PLCE1: variants seen among roughly 807,000 people sequenced by gnomAD.
PLCE1 encodes the protein 1-phosphatidylinositol 4,5-bisphosphate phosphodiesterase epsilon-1.
A neutral mutation model predicts 242.8 loss-of-function variants in PLCE1; 119 were observed. That is an observed-to-expected ratio of 0.49 (90% CI 0.42 to 0.57). The LOEUF is 0.57. Ranked by LOEUF, PLCE1 falls within the 20% of genes least tolerant of loss-of-function variation. PLCE1 has a pLI of 0.00. For missense variants in PLCE1, 2,441 were observed against 2,788.8 expected (o/e 0.88, Z 2.81); for synonymous variants, 945 against 1,017.4 (o/e 0.93, Z 1.35).
intron 2 of PLCE1, among the ~76,000 whole-genome samples, chr10:94,052,209 C>T (rs375204398): frequency 2.6e-5 from 4 of 152,194 alleles, no homozygotes; most frequent in African/African-American, 4.8e-5. Flanking sequence ...AAGTTCAATT[C>T]AGTTGCATTT....
intron 2 of PLCE1, among the ~76,000 whole-genome samples, chr10:94,122,620 G>A (rs573247850): frequency 6.6e-5 from 10 of 152,266 alleles, no homozygotes; most frequent in South Asian, 2.1e-4. Flanking sequence ...GCCTTGAGGC[G>A]TATAGAGATG....
At chr10:94,167,659 T>A (rs1357470734) in intron 3 of PLCE1, among the ~76,000 whole-genome samples, 1 of 135,274 alleles carries the variant, frequency 7.4e-6, no homozygotes, top group African/African-American at 2.8e-5. Context: ...CCTAATGCTA[T>A]CCCTCCCCCC....
chr10:94,198,015 A>G (rs2048877466), intron 4 of PLCE1, among the ~76,000 whole-genome samples: 2 of 150,242 alleles, frequency 1.3e-5, no homozygotes, highest in African/African-American at 4.9e-5. Flanking sequence ...AAAAAATTTA[A>G]GAACATGAAA....
chr10:94,185,599 CT>C (rs2048452180), intron 4 of PLCE1, among the ~76,000 whole-genome samples: 1 of 152,218 alleles, frequency 6.6e-6, no homozygotes, highest in Non-Finnish European at 1.5e-5. Context: ...CTTCATATTT[CT>C]CATCTATGAA....
intron 2 of PLCE1, among the ~76,000 whole-genome samples, chr10:94,090,748 T>A (rs772719883): frequency 1.3e-5 from 2 of 152,370 alleles, no homozygotes; most frequent in South Asian, 2.1e-4. Context: ...TTTCAGCCTA[T>A]GTCGTCCTGT....
chr10:94,035,654 G>A (rs1303731228), intron 2 of PLCE1, among the ~76,000 whole-genome samples: 1 of 152,152 alleles, frequency 6.6e-6, no homozygotes, highest in Non-Finnish European at 1.5e-5. Flanking sequence ...TTTCTTAAGG[G>A]AGATTTCTAA....
intron 4 of PLCE1, among the ~76,000 whole-genome samples, chr10:94,187,972 G>T (rs1001624604): frequency 6.6e-6 from 1 of 151,786 alleles, no homozygotes; most frequent in Non-Finnish European, 1.5e-5. Context: ...CACTGCCCTG[G>T]TCCCTAGGTA....
chr10:94,263,374 T>G (rs1286846525), intron 14 of PLCE1, among the ~76,000 whole-genome samples: 1 of 151,156 alleles, frequency 6.6e-6, no homozygotes, highest in African/African-American at 2.4e-5. Context: ...ATTAGCCAGG[T>G]GTGGTGGTGC....
intron 20 of PLCE1, chr10:94,283,530 C>T (rs2052326154): frequency 2.7e-6 from 1 of 365,364 alleles, no homozygotes; most frequent in African/African-American, 2.1e-5. Context: ...GTCTATATGC[C>T]AGATTATTTT....
chr10:93,996,981 A>C (rs989065176), intron 1 of PLCE1, among the ~76,000 whole-genome samples: 1 of 152,202 alleles, frequency 6.6e-6, no homozygotes, highest in African/African-American at 2.4e-5. Flanking sequence ...TTCCAAATGA[A>C]ATTTAGTCAT....
At chr10:94,167,063 G>A (rs1353055252) in intron 3 of PLCE1, among the ~76,000 whole-genome samples, 1 of 152,212 alleles carries the variant, frequency 6.6e-6, no homozygotes, top group Non-Finnish European at 1.5e-5. Flanking sequence ...GCCAAGGCAG[G>A]TGGATCACCT....
intron 29 of PLCE1, among the ~76,000 whole-genome samples, chr10:94,320,978 A>G (rs1333563700): frequency 6.6e-6 from 1 of 152,194 alleles, no homozygotes; most frequent in Non-Finnish European, 1.5e-5. Context: ...TTTCTTATTG[A>G]TACGCTTCTG....
At chr10:94,192,751 TCTAAA>T (rs1240099218) in intron 4 of PLCE1, among the ~76,000 whole-genome samples, 1 of 152,202 alleles carries the variant, frequency 6.6e-6, no homozygotes, top group Non-Finnish European at 1.5e-5. Flanking sequence ...TTGAGAAGTC[TCTAAA>T]CTACTTTTCA....
chr10:94,240,749 T>C (rs1157530137), intron 7 of PLCE1, among the ~76,000 whole-genome samples: 1 of 152,202 alleles, frequency 6.6e-6, no homozygotes, highest in East Asian at 1.9e-4. Context: ...GTCTACGGTT[T>C]CTAACTGAAT....
intron 1 of PLCE1, among the ~76,000 whole-genome samples, chr10:94,002,966 T>A (rs927922088): frequency 3.3e-5 from 5 of 152,200 alleles, no homozygotes. Context: ...AGATGACCAC[T>A]CGAGGAATAC....
rs1001969686 is a variant in PLCE1 at position 94,090,076 on chromosome 10, T to C, written c.1207-42098T>C. Among the ~76,000 whole-genome samples the C allele has an allele frequency of 7.9e-5, 12 of 152,242 alleles. No homozygotes were observed. In the South Asian group the frequency reaches 1.2e-3, roughly 16 times the overall value. On this transcript the variant is annotated intron_variant, in intron 2 of 32. Coordinates refer to ENST00000371380, the MANE Select transcript of PLCE1 (RefSeq NM_016341.4). ...CATTTACTTATAAACATTAAAAGGA[T>C]ATTAGACCTTTGATAAGATTAGCTG... is the stretch of plus-strand genomic sequence containing the variant.
rs1213917729 is a variant in PLCE1 at position 94,265,888 on chromosome 10, A to G, written c.4211A>G (p.Glu1404Gly). ...CTACCCCTCTCATACTATTACATCGAATCTTCGCACAATACCTACCTCACG... is the reference window on the plus strand; with the variant it reads ...CTACCCCTCTCATACTATTACATCGGATCTTCGCACAATACCTACCTCACG... ...LQLPLSYYYI[E>G]SSHNTYLTGH... Residue 1404 changes from glutamate to glycine, a missense_variant, in exon 16 of 33, where the codon GAA (glutamate) becomes GGA (glycine). Physicochemically the swap from Glu to Gly is moderately conservative, Grantham distance 98. This residue lies in a region of PLCE1 where 1,004 missense variants were observed against 1,322.7 expected (regional missense o/e 0.76). Transcript: ENST00000371380. The G allele has an allele frequency of 3.1e-6, 5 of 1,613,990 alleles. No individual in the cohort carries two copies. Among genetic ancestry groups the G allele is most frequent in the Middle Eastern group, 1.6e-4 (1 of 6,082 alleles).
intron 4 of PLCE1, among the ~76,000 whole-genome samples, chr10:94,197,599 C>A (rs1470894993): frequency 6.6e-6 from 1 of 152,186 alleles, no homozygotes; most frequent in African/African-American, 2.4e-5. Flanking sequence ...ATCTTTTCAC[C>A]TGCTTATATT....
Position 94,236,077 on chromosome 10 carries a change from A to G in PLCE1, c.2377A>G (p.Asn793Asp). The G allele has an allele frequency of 6.2e-7, 1 of 1,613,998 alleles. No individual in the cohort carries two copies. Among genetic ancestry groups the G allele is most frequent in the Non-Finnish European group, 8.5e-7 (1 of 1,179,950 alleles). The change falls in exon 7 of 33, where the codon AAC becomes GAC. Residue 793 changes from asparagine (N) to aspartate (D), a missense_variant. Asn to Asp is a conservative substitution (Grantham distance 23). Transcript: ENST00000371380. ...CGAGGAGGACAGCCCCAGTGAAGGA[A>G]ACAGCTCCAGGAAAAGCTCCTTGAA... Reference protein sequence around the residue: ...TDEEDSPSEGNSSRKSSLKDK... With the variant: ...TDEEDSPSEGDSSRKSSLKDK...
Sources: allele counts gnomAD v4.1 joint callset (sites outside exome capture counted in the v4.1 genomes callset), GRCh38; gene constraint gnomAD v4.1.1; regional missense constraint gnomAD v4.1.1; transcripts MANE v1.5; gene names NCBI Gene and HGNC (gene_info 2026-07-23, HGNC 2026-07-21).